DGLUCY: variants seen among roughly 807,000 people sequenced by gnomAD.
DGLUCY encodes D-glutamate cyclase.
A neutral mutation model predicts 58.5 loss-of-function variants in DGLUCY; 58 were observed. That is an observed-to-expected ratio of 0.99 (90% CI 0.80 to 1.23). DGLUCY has a LOEUF of 1.23. DGLUCY is among the 50% of genes most tolerant of loss of function. DGLUCY has a pLI of 0.00. For missense variants in DGLUCY, 779 were observed against 784.7 expected (o/e 0.99, Z 0.09); for synonymous variants, 325 against 314.1 (o/e 1.03, Z -0.37).
At chr14:91,208,445 T>C (rs1371543533) in intron 12 of DGLUCY, among the ~76,000 whole-genome samples, 1 of 152,194 alleles carries the variant, frequency 6.6e-6, no homozygotes, top group Non-Finnish European at 1.5e-5. Flanking sequence ...TGTATGTTTG[T>C]GTAGAAGTGA....
chr14:91,199,852 C>T lies in DGLUCY; in HGVS notation c.1391C>T (p.Pro464Leu), dbSNP rs1045018184. ...ATGAACATCAAGCACTTGGTTGACC[C>T]CATTGACGATCTTTTTCTTGCTGCG... ...RKMNIKHLVD[P>L]IDDLFLAAKK... Residue 464 changes from proline to leucine, a missense_variant, in exon 11 of 14, where the codon CCC (proline) becomes CTC (leucine). By Grantham distance (98) the Pro-to-Leu change is moderately conservative (BLOSUM62 -3). Coordinates refer to ENST00000256324, the MANE Select transcript of DGLUCY (RefSeq NM_001102368.3). 1 of 1,613,984 alleles carries T rather than the reference C, an allele frequency of 6.2e-7. No homozygotes were observed. Among genetic ancestry groups the T allele is most frequent in the African/African-American group, 1.3e-5 (1 of 74,898 alleles).
At chr14:91,205,602 AG>A (rs1303171292) in intron 12 of DGLUCY, among the ~76,000 whole-genome samples, 2 of 152,294 alleles carry the variant, frequency 1.3e-5, no homozygotes, top group East Asian at 3.9e-4. Context: ...TTAAAACTCC[AG>A]GCGACCCAGT....
intron 1 of DGLUCY, among the ~76,000 whole-genome samples, chr14:91,075,141 A>G (rs1243070330): frequency 6.7e-6 from 1 of 149,762 alleles, no homozygotes; most frequent in Non-Finnish European, 1.5e-5. Flanking sequence ...TGGATCTTCT[A>G]TTTGCCTTTC....
upstream of DGLUCY, among the ~76,000 whole-genome samples, chr14:91,103,627 T>C (rs1188579114): frequency 6.6e-6 from 1 of 152,196 alleles, no homozygotes; most frequent in Non-Finnish European, 1.5e-5. Flanking sequence ...TCCCATTTCT[T>C]GTTGCCTACC....
intron 11 of DGLUCY, among the ~76,000 whole-genome samples, chr14:91,202,486 G>A (rs185937828): frequency 1.3e-5 from 2 of 152,268 alleles, no homozygotes; most frequent in Admixed American, 6.5e-5. Flanking sequence ...TGATTAGAAC[G>A]TTTCTGCAAA....
intron 7 of DGLUCY, among the ~76,000 whole-genome samples, chr14:91,178,401 C>T (rs763321583): frequency 2.0e-5 from 3 of 152,190 alleles, no homozygotes; most frequent in Non-Finnish European, 2.9e-5. Flanking sequence ...TGGGCTCAAG[C>T]GATCCTCCCA....
chr14:91,076,094 CAG>C (rs1490982987), intron 1 of DGLUCY, among the ~76,000 whole-genome samples: 4 of 148,540 alleles, frequency 2.7e-5, no homozygotes, highest in African/African-American at 1.0e-4. Context: ...GCCTGGGTGA[CAG>C]AGTGAGACTC....
At chr14:91,084,158 A>G (rs1032548250) in intron 1 of DGLUCY, among the ~76,000 whole-genome samples, 2 of 150,126 alleles carry the variant, frequency 1.3e-5, no homozygotes, top group African/African-American at 4.9e-5. Context: ...CCCCCCATCT[A>G]TTCGATTCCA....
At chr14:91,096,052 G>C (rs2044389431) in intron 1 of DGLUCY, among the ~76,000 whole-genome samples, 1 of 152,208 alleles carries the variant, frequency 6.6e-6, no homozygotes, top group South Asian at 2.1e-4. Flanking sequence ...AAGGATTTCA[G>C]ATGCTAGTAT....
At chr14:91,179,628 A>G (rs926828286) in intron 7 of DGLUCY, among the ~76,000 whole-genome samples, 17 of 151,370 alleles carry the variant, frequency 1.1e-4, no homozygotes, top group Admixed American at 5.9e-4. Context: ...GTGCACGCCT[A>G]TAATCCCAGC....
intron 6 of DGLUCY, chr14:91,175,686 C>T (rs868421027): frequency 3.4e-5 from 13 of 385,762 alleles, no homozygotes; most frequent in South Asian, 1.2e-4. Flanking sequence ...AGGATCCTTC[C>T]AGAAATCACG....
In DGLUCY at chr14:91,086,803, G is replaced by C. The variant is rs146987781; in HGVS notation, c.-82+26099G>C. 8.4e-3 allele frequency among the ~76,000 whole-genome samples: 1,281 copies of C among 152,194 alleles called. 6 individuals carry two copies. The highest frequency in any genetic ancestry group is 0.026 in the South Asian group (125 of 4,812). ...GAGTTTCACTCTGTCACCCAGGCTA[G>C]AGTGCAATGGCTCGATCTCAGCTCA... is the stretch of plus-strand genomic sequence containing the variant. On this transcript the variant is annotated intron_variant, in intron 1 of 4. Transcript: ENST00000521334.
chr14:91,084,545 C>T (rs1265855683), intron 1 of DGLUCY, among the ~76,000 whole-genome samples: 2 of 151,912 alleles, frequency 1.3e-5, no homozygotes, highest in Non-Finnish European at 2.9e-5. Context: ...ATCCCTCCCA[C>T]CCCCTAGCAC....
intron 13 of DGLUCY, among the ~76,000 whole-genome samples, chr14:91,217,444 G>A (rs965825561): frequency 1.3e-5 from 2 of 151,460 alleles, no homozygotes; most frequent in Non-Finnish European, 1.5e-5. Context: ...GCCTCCCAAC[G>A]TCTGCAACCA....
At chr14:91,126,553 T>C (rs1328773066) in intron 1 of DGLUCY, 2 of 219,550 alleles carry the variant, frequency 9.1e-6, no homozygotes, top group South Asian at 7.7e-5. Flanking sequence ...GCCCTACACA[T>C]TGAAAAAACA....
intron 1 of DGLUCY, among the ~76,000 whole-genome samples, chr14:91,136,713 A>G (rs2046358314): frequency 6.6e-6 from 1 of 151,786 alleles, no homozygotes; most frequent in Non-Finnish European, 1.5e-5. Flanking sequence ...TCGCGCCTGT[A>G]ATCCCAGCAC....
intron 1 of DGLUCY, among the ~76,000 whole-genome samples, chr14:91,073,029 C>A (rs551829350): frequency 1.5e-4 from 23 of 151,908 alleles, no homozygotes; most frequent in African/African-American, 5.6e-4. Flanking sequence ...AAATAACAGT[C>A]ATTTTTCTTG....
chr14:91,060,513 CTGCCGCGGCCCCAGGAGTCGGGG>C, exon 1 of DGLUCY: 1 of 1,246,898 alleles, frequency 8.0e-7, no homozygotes, highest in East Asian at 3.2e-5. Context: ...CTCGCAGCCG[CTGCCGCGGCCCCAGGAGTCGGGG>C]TGCGGCGGCT....
At chr14:91,107,063 G>C (rs1394533142), upstream of DGLUCY, among the ~76,000 whole-genome samples, 1 of 152,148 alleles carries the variant, frequency 6.6e-6, no homozygotes, top group Non-Finnish European at 1.5e-5. Context: ...AGGATGCTAG[G>C]AGATGGTGCC....
Sources: allele counts gnomAD v4.1 joint callset (sites outside exome capture counted in the v4.1 genomes callset), GRCh38; gene constraint gnomAD v4.1.1; transcripts MANE v1.5; gene names NCBI Gene and HGNC (gene_info 2026-07-23, HGNC 2026-07-21).